The following SLF2 variants were observed in gnomAD, a reference collection of about 807,000 sequenced individuals.
SLF2 encodes the protein SMC5-SMC6 complex localization factor protein 2.
Under a neutral mutation model 124.3 loss-of-function variants are expected in SLF2, and 68 were observed. The ratio of observed to expected loss-of-function variants is 0.55; its 90% confidence interval spans 0.45 to 0.67. The LOEUF is 0.67. SLF2 is among the 30% of genes least tolerant of loss of function. SLF2 has a pLI of 0.00. For synonymous variants in SLF2, 480 were observed against 478.8 expected (o/e 1.00, Z -0.03); for missense variants, 1,246 against 1,373.7 (o/e 0.91, Z 1.47).
At chr10:100,916,132 T>G in intron 2 of SLF2, 90 bp downstream of exon 2, 1 of 887,532 alleles carries the variant, frequency 1.1e-6, no homozygotes, top group Non-Finnish European at 1.7e-6. Flanking sequence ...TAAACTGTTT[T>G]AGTAAACGTA....
intron 17 of SLF2, among the ~76,000 whole-genome samples, chr10:100,956,113 G>C (rs1336595583): frequency 2.6e-5 from 4 of 151,144 alleles, no homozygotes; most frequent in Non-Finnish European, 4.4e-5. Flanking sequence ...GCTAGCCGTT[G>C]TCTGAATATT....
Position 100,930,960 on chromosome 10 carries a change from T to TA in SLF2, c.2334-15dup. The TA allele has an allele frequency of 6.2e-7, 1 of 1,602,172 alleles. No individual in the cohort carries two copies. On this transcript the variant is annotated splice_polypyrimidine_tract_variant and intron_variant, in intron 8 of 19. Transcript: ENST00000238961. Reference sequence around the variant, plus strand: ...ATGAAGTTAATAGCCATGTTGATTTTACTTTATTTTTTCAGATCGGGAAAA... The same window carrying TA: ...ATGAAGTTAATAGCCATGTTGATTTTAACTTTATTTTTTCAGATCGGGAAAA...
Position 100,916,711 on chromosome 10 carries a change from G to T in SLF2, c.326G>T (p.Ser109Ile), listed in dbSNP as rs1200969567. Residue 109 changes from serine (S) to isoleucine (I), a missense_variant, in exon 3 of 20, where the codon AGC becomes ATC. By Grantham distance (142) the Ser-to-Ile change is moderately radical (BLOSUM62 -2). Transcript: ENST00000238961. ...CCCAAAAGGGTGCCACCAGAAAAGA[G>T]CCCTATTATAGAAGCTTTCATGAAA... ...SKPKRVPPEK[S>I]PIIEAFMKGV... is the part of the protein sequence containing the mutation. 1.9e-6 allele frequency: 3 copies of T among 1,559,078 alleles called. No individual in the cohort carries two copies. Among genetic ancestry groups the T allele is most frequent in the Non-Finnish European group, 2.6e-6 (3 of 1,159,890 alleles).
intron 9 of SLF2, among the ~76,000 whole-genome samples, chr10:100,932,892 G>GAGT (rs1425176335): frequency 6.6e-6 from 1 of 152,038 alleles, no homozygotes; most frequent in African/African-American, 2.4e-5. Context: ...CCAAGTAAAG[G>GAGT]AGTAGCTTGT....
In SLF2 at chr10:100,929,303, T is replaced by G; in HGVS notation, c.2043-14T>G. Reference sequence around the variant, plus strand: ...TTTAGAGTAAACTGTTATAACATTCTTTCCAATTCTCAGGCTAGATGAACT... The same window carrying G: ...TTTAGAGTAAACTGTTATAACATTCGTTCCAATTCTCAGGCTAGATGAACT... On this transcript the variant is annotated splice_polypyrimidine_tract_variant and intron_variant, in intron 6 of 19. Coordinates refer to ENST00000238961, the MANE Select transcript of SLF2 (RefSeq NM_018121.4). 2.5e-6 allele frequency: 4 copies of G among 1,598,314 alleles called. No individual in the cohort carries two copies. Among genetic ancestry groups the G allele is most frequent in the Non-Finnish European group, 3.4e-6 (4 of 1,174,182 alleles).
At chr10:100,938,388 A>G (rs1023179019) in intron 10 of SLF2, among the ~76,000 whole-genome samples, 7 of 152,054 alleles carry the variant, frequency 4.6e-5, no homozygotes, top group East Asian at 1.9e-4. Context: ...TCACTCTCAG[A>G]TATTTTCTTT....
chr10:100,936,822 A>G (rs1207110252), intron 9 of SLF2, among the ~76,000 whole-genome samples: 3 of 151,280 alleles, frequency 2.0e-5, no homozygotes, highest in Non-Finnish European at 4.4e-5. Flanking sequence ...ACATTTTTTG[A>G]TAGTTTCAAA....
intron 3 of SLF2, among the ~76,000 whole-genome samples, chr10:100,917,542 A>G (rs1237418469): frequency 6.6e-6 from 1 of 152,146 alleles, no homozygotes; most frequent in Non-Finnish European, 1.5e-5. Context: ...TTTTTTAGTC[A>G]GAAAAGTAAG....
chr10:100,935,238 AC>A (rs1849822006), intron 9 of SLF2, among the ~76,000 whole-genome samples: 1 of 152,104 alleles, frequency 6.6e-6, no homozygotes, highest in African/African-American at 2.4e-5. Flanking sequence ...TACTAAAAAT[AC>A]AAAAAATTAT....
intron 17 of SLF2, among the ~76,000 whole-genome samples, chr10:100,953,795 G>A (rs1477911494): frequency 6.6e-6 from 1 of 152,060 alleles, no homozygotes; most frequent in African/African-American, 2.4e-5. Context: ...TGGGACTAGA[G>A]GCATGTGCCA....
chr10:100,946,220 C>T (rs755651310), intron 13 of SLF2, among the ~76,000 whole-genome samples: 3 of 151,936 alleles, frequency 2.0e-5, no homozygotes, highest in Non-Finnish European at 2.9e-5. Flanking sequence ...AATGTAAAAC[C>T]GACCCTATAT....
Position 100,916,893 on chromosome 10 carries a change from T to C in SLF2, c.508T>C (p.Ser170Pro), listed in dbSNP as rs955333006. 3 of 1,613,772 alleles carry C rather than the reference T, an allele frequency of 1.9e-6. No homozygotes were observed. The highest frequency in any genetic ancestry group is 2.5e-6 in the Non-Finnish European group (3 of 1,179,960). Residue 170 changes from serine (S) to proline (P), a missense_variant, in exon 3 of 20, where the codon TCC becomes CCC. This residue lies in a region of SLF2 where 698 missense variants were observed against 708.9 expected (regional missense o/e 0.98). Transcript: ENST00000238961. ...EMKSLKKKHR[S>P]PERRKSLFIH... is the part of the protein sequence containing the mutation. ...GAAGTCACTAAAGAAAAAACATCGA[T>C]CCCCAGAGAGAAGGAAGTCACTATT...
intron 19 of SLF2, chr10:100,959,703 A>G: frequency 2.1e-6 from 2 of 952,398 alleles, no homozygotes; most frequent in Non-Finnish European, 2.8e-6. Context: ...GAAGTGGTTG[A>G]GCCCATTTAA....
At chr10:100,955,442 C>T (rs538597505) in intron 17 of SLF2, among the ~76,000 whole-genome samples, 2 of 152,006 alleles carry the variant, frequency 1.3e-5, no homozygotes, top group East Asian at 3.9e-4. Context: ...CATAAGATAC[C>T]AACATCACCA....
At chr10:100,915,325 T>C (rs796431950) in intron 1 of SLF2, among the ~76,000 whole-genome samples, 2 of 152,346 alleles carry the variant, frequency 1.3e-5, no homozygotes, top group African/African-American at 4.8e-5. Flanking sequence ...TAATTTCTGC[T>C]GTTACTTAGA....
At chr10:100,927,018 T>C (rs905304830) in intron 6 of SLF2, among the ~76,000 whole-genome samples, 35 of 152,294 alleles carry the variant, frequency 2.3e-4, no homozygotes, top group African/African-American at 8.4e-4. Context: ...TTCCTTTCTG[T>C]TTATTACAAC....
intron 1 of SLF2, among the ~76,000 whole-genome samples, chr10:100,914,763 T>C (rs1849384709): frequency 6.6e-6 from 1 of 152,172 alleles, no homozygotes; most frequent in Admixed American, 6.5e-5. Flanking sequence ...TATACCAGCA[T>C]CTCAAACAAG....
At chr10:100,932,703 G>A (rs1019965921) in intron 9 of SLF2, among the ~76,000 whole-genome samples, 1 of 75,292 alleles carries the variant, frequency 1.3e-5, no homozygotes. Flanking sequence ...GTGTGTGTGT[G>A]TGTGTGTGTG....
intron 17 of SLF2, among the ~76,000 whole-genome samples, chr10:100,953,942 G>C (rs1216841050): frequency 2.6e-4 from 39 of 152,020 alleles, no homozygotes; most frequent in Admixed American, 2.6e-3. Flanking sequence ...GTGAGCCACT[G>C]TGCCCGGCCT....
Sources: gnomAD v4.1 joint callset for allele counts (sites outside exome capture counted in the v4.1 genomes callset) on GRCh38, gnomAD v4.1.1 for gene constraint, gnomAD v4.1.1 regional missense constraint, MANE v1.5 for transcripts, NCBI Gene and HGNC (gene_info 2026-07-23, HGNC 2026-07-21) for gene names.